Variants in PALM2AKAP2 observed in about 807,000 individuals in gnomAD.
PALM2AKAP2 encodes PALM2 and AKAP2 fusion.
A neutral mutation model predicts 71.5 loss-of-function variants in PALM2AKAP2; 37 were observed. The ratio of observed to expected loss-of-function variants is 0.52; its 90% confidence interval spans 0.40 to 0.68. PALM2AKAP2 has a LOEUF of 0.68. Among genes scored for constraint, PALM2AKAP2 ranks in the 30% least tolerant of loss-of-function variants. The probability of loss-of-function intolerance (pLI) is 0.00; values close to 1 mark genes in which losing one functional copy is unlikely to be tolerated. For synonymous variants in PALM2AKAP2, 468 were observed against 478.8 expected, an observed-to-expected ratio of 0.98 and a Z score of 0.29; for missense variants, 1,224 against 1,191.8, an observed-to-expected ratio of 1.03 and a Z score of -0.40.
chr9:109,653,379 C>A (rs563177797), intron 1 of PALM2AKAP2, among the ~76,000 whole-genome samples: 17 of 152,204 alleles, frequency 1.1e-4, no homozygotes, highest in Non-Finnish European at 1.9e-4. Context: ...CATCGAAAGC[C>A]TCTGAACCTC....
At chr9:109,934,477 T>C (rs1831177794) in intron 6 of PALM2AKAP2, among the ~76,000 whole-genome samples, 2 of 152,154 alleles carry the variant, frequency 1.3e-5, no homozygotes, top group Non-Finnish European at 2.9e-5. Flanking sequence ...ACAGTCCCAG[T>C]CTCTCCAGCT....
At chr9:109,660,910 A>C (rs1388755111) in intron 1 of PALM2AKAP2, among the ~76,000 whole-genome samples, 1 of 152,194 alleles carries the variant, frequency 6.6e-6, no homozygotes, top group Admixed American at 6.5e-5. Context: ...CATTTCTCTG[A>C]TGACCAGTGA....
chr9:109,785,138 G>A (rs962583145), intron 1 of PALM2AKAP2, among the ~76,000 whole-genome samples: 11 of 152,146 alleles, frequency 7.2e-5, no homozygotes, highest in African/African-American at 2.2e-4. Flanking sequence ...AGAGCCACGT[G>A]GACAAGGCTC....
chr9:109,793,088 A>G (rs963623083), intron 1 of PALM2AKAP2, among the ~76,000 whole-genome samples: 1 of 152,246 alleles, frequency 6.6e-6, no homozygotes, highest in African/African-American at 2.4e-5. Flanking sequence ...TTGATTTTAA[A>G]TAGTAGCATG....
exon 2 of PALM2AKAP2, chr9:110,137,188 C>G: frequency 6.2e-7 from 1 of 1,613,988 alleles, no homozygotes; most frequent in Non-Finnish European, 8.5e-7. Context: ...AGGACATTGT[C>G]ACAGAGCAGA....
At chr9:110,040,802 G>A (rs1833498884) in intron 7 of PALM2AKAP2, among the ~76,000 whole-genome samples, 1 of 152,308 alleles carries the variant, frequency 6.6e-6, no homozygotes, top group East Asian at 1.9e-4. Context: ...GGTTGACTCA[G>A]TAAGAGCTGT....
chr9:109,794,601 A>G (rs986696326), intron 1 of PALM2AKAP2, among the ~76,000 whole-genome samples: 1 of 152,140 alleles, frequency 6.6e-6, no homozygotes, highest in African/African-American at 2.4e-5. Flanking sequence ...CCTTGGGACC[A>G]GGGCCTTGAT....
At chr9:109,932,905 A>C (rs1224376574) in intron 6 of PALM2AKAP2, among the ~76,000 whole-genome samples, 1 of 144,054 alleles carries the variant, frequency 6.9e-6, no homozygotes, top group Non-Finnish European at 1.6e-5. Flanking sequence ...AAAGTAAAAC[A>C]ATCATGGATG....
At chr9:109,685,376 CAG>C (rs2118529822) in intron 1 of PALM2AKAP2, among the ~76,000 whole-genome samples, 1 of 152,204 alleles carries the variant, frequency 6.6e-6, no homozygotes, top group South Asian at 2.1e-4. Flanking sequence ...AGTTATATGT[CAG>C]AGATATTGTG....
chr9:110,096,740 C>A (rs1221237285), intron 1 of PALM2AKAP2, among the ~76,000 whole-genome samples: 2 of 142,698 alleles, frequency 1.4e-5, no homozygotes, highest in Non-Finnish European at 3.0e-5. Context: ...GTCTAGTGGT[C>A]TTTCTGCTCT....
At chr9:109,990,340 G>C (rs555633593) in intron 6 of PALM2AKAP2, among the ~76,000 whole-genome samples, 1 of 152,140 alleles carries the variant, frequency 6.6e-6, no homozygotes, top group African/African-American at 2.4e-5. Context: ...GACTACAGGC[G>C]TGAGCCACCG....
chr9:109,684,965 C>T (rs1431636256), intron 1 of PALM2AKAP2, among the ~76,000 whole-genome samples: 1 of 151,970 alleles, frequency 6.6e-6, no homozygotes, highest in Non-Finnish European at 1.5e-5. Flanking sequence ...TGTTACTGAA[C>T]CATAAAAATA....
intron 1 of PALM2AKAP2, among the ~76,000 whole-genome samples, chr9:109,807,409 T>G (rs1272081721): frequency 1.3e-5 from 2 of 152,160 alleles, no homozygotes; most frequent in Non-Finnish European, 2.9e-5. Flanking sequence ...CAACAGAAAC[T>G]TATTTCTCAT....
At chr9:109,656,408 C>CA (rs1457023032) in intron 1 of PALM2AKAP2, among the ~76,000 whole-genome samples, 2 of 152,156 alleles carry the variant, frequency 1.3e-5, no homozygotes, top group African/African-American at 4.8e-5. Flanking sequence ...CTTCCTTTTG[C>CA]AAACTTTACA....
intron 1 of PALM2AKAP2, among the ~76,000 whole-genome samples, chr9:110,108,805 A>T (rs528568660): frequency 1.3e-5 from 2 of 152,328 alleles, no homozygotes; most frequent in African/African-American, 4.8e-5. Context: ...ACGACAATAA[A>T]AGAAAGTGTA....
In PALM2AKAP2 at chr9:109,789,330, G is replaced by A. The variant is rs182193989; in HGVS notation, c.45+8797G>A. On this transcript the variant is annotated intron_variant, in intron 1 of 9. Transcript: ENST00000302798. ...TTCTCCAGCCTGCAGGTGCTAATTC[G>A]CGATGTGATTGCTTCTCACGTGGGC... Among the ~76,000 whole-genome samples the A allele has an allele frequency of 1.5e-3, 229 of 152,268 alleles. 1 individual carries two copies. Among genetic ancestry groups the A allele is most frequent in the African/African-American group, 5.2e-3 (215 of 41,548 alleles).
Position 110,018,339 on chromosome 9 carries a change from T to C in PALM2AKAP2, c.582+2300T>C, listed in dbSNP as rs111856644. ...AGCAAAATAGAAATTTATTTCTTTA[T>C]TCATTTTGAGGCAGAGTCTTGCTCT... On this transcript the variant is annotated intron_variant, in intron 7 of 9. Transcript: ENST00000302798. Among the ~76,000 whole-genome samples the C allele has an allele frequency of 3.7e-3, 569 of 152,260 alleles. 5 individuals carry two copies. Among genetic ancestry groups the C allele is most frequent in the African/African-American group, 0.013 (548 of 41,542 alleles).
chr9:109,940,284 T>C (rs1489614326), intron 6 of PALM2AKAP2, among the ~76,000 whole-genome samples: 1 of 151,996 alleles, frequency 6.6e-6, no homozygotes, highest in Non-Finnish European at 1.5e-5. Context: ...TACAACTGAG[T>C]GGTAATTGTT....
chr9:109,909,077 A>G (rs1164647308), intron 3 of PALM2AKAP2, among the ~76,000 whole-genome samples: 1 of 152,036 alleles, frequency 6.6e-6, no homozygotes, highest in Non-Finnish European at 1.5e-5. Context: ...ATATCTGTGC[A>G]TCTTCTACTT....
Sources: gnomAD v4.1 joint callset for allele counts (sites outside exome capture counted in the v4.1 genomes callset) on GRCh38, gnomAD v4.1.1 for gene constraint, MANE v1.5 for transcripts, NCBI Gene and HGNC (gene_info 2026-07-23, HGNC 2026-07-21) for gene names.